ABI3BP: variants seen among roughly 807,000 people sequenced by gnomAD.
ABI3BP encodes the protein ABI family member 3 binding protein.
In ABI3BP, 216 loss-of-function variants were observed where a neutral mutation model predicts 268.6. That is an observed-to-expected ratio of 0.80 (90% CI 0.72 to 0.90). The LOEUF (loss-of-function observed/expected upper bound fraction) is 0.90, where lower values mean the gene tolerates loss of function less well. Ranked by LOEUF, ABI3BP falls within the 40% of genes least tolerant of loss-of-function variation. The pLI, the probability that ABI3BP is intolerant of heterozygous loss-of-function variation, is 0.00. For missense variants in ABI3BP, 2,090 were observed against 2,182.4 expected, an observed-to-expected ratio of 0.96 and a Z score of 0.84; for synonymous variants, 730 against 730.0, an observed-to-expected ratio of 1.00 and a Z score of 0.00.
At chr3:100,873,728 G>A (rs2099133043) in intron 9 of ABI3BP, among the ~76,000 whole-genome samples, 1 of 152,192 alleles carries the variant, frequency 6.6e-6, no homozygotes, top group Admixed American at 6.5e-5. Flanking sequence ...GACAGATAAG[G>A]CCCCCAGTAG....
rs2098685690 is a variant in ABI3BP, at chr3:100,840,839, G to C, written c.1785C>G (p.Thr595=). The C allele has an allele frequency of 1.3e-6, 2 of 1,535,192 alleles. No homozygotes were observed. The highest frequency in any genetic ancestry group is 1.7e-6 in the Non-Finnish European group (2 of 1,146,308). ...QSTIGPETPG[T]KPSTTLAPRK... ...TATTACCTAATGTTGTTGAAGGTTT[G>C]GTTCCTGGTGTTTCAGGTCCTAAGA... is the stretch of plus-strand genomic sequence containing the variant. The change falls in exon 22 of 68, where the codon ACC becomes ACG. Residue 595 remains threonine, a synonymous_variant. Coordinates refer to ENST00000471714, the MANE Select transcript of ABI3BP (RefSeq NM_001375547.2).
At chr3:100,835,048 G>A (rs192650322) in intron 28 of ABI3BP, among the ~76,000 whole-genome samples, 152 of 152,320 alleles carry the variant, frequency 1.0e-3, no homozygotes, top group Non-Finnish European at 2.5e-4. Flanking sequence ...CCAGACCCAA[G>A]GGAAGTCAGA....
At chr3:100,820,789 A>T (rs1227281152) in intron 39 of ABI3BP, among the ~76,000 whole-genome samples, 1 of 152,236 alleles carries the variant, frequency 6.6e-6, no homozygotes, top group Non-Finnish European at 1.5e-5. Flanking sequence ...AAAATTGGTT[A>T]AAAAACACAC....
intron 1 of ABI3BP, chr3:100,930,721 A>G (rs1159116371): frequency 1.3e-5 from 2 of 152,006 alleles, no homozygotes. Flanking sequence ...CCAACCTGAA[A>G]AGGCCCTGAG....
chr3:100,775,735 A>C (rs1346370145), intron 59 of ABI3BP, among the ~76,000 whole-genome samples: 4 of 152,190 alleles, frequency 2.6e-5, no homozygotes. Flanking sequence ...GAAACATGTC[A>C]GGGAAGCATG....
At chr3:100,890,271 G>T (rs1212424584) in intron 4 of ABI3BP, among the ~76,000 whole-genome samples, 2 of 152,042 alleles carry the variant, frequency 1.3e-5, no homozygotes, top group Non-Finnish European at 2.9e-5. Context: ...TCATGTCAAA[G>T]AACACATCCT....
Position 100,985,141 on chromosome 3 carries a change from C to CTTTTTTT in ABI3BP, c.79+8158_79+8164dup, listed in dbSNP as rs1172049956. Among the ~76,000 whole-genome samples the CTTTTTTT allele has an allele frequency of 9.9e-4, 79 of 79,856 alleles. 2 individuals carry two copies. The highest frequency in any genetic ancestry group is 3.8e-3 in the African/African-American group (76 of 19,916). 52.4% of individuals were successfully genotyped at this position (79,856 alleles called of 152,430 possible). ...ACTCCACTGAAGTTTCAGAAAAGCACTTTTTTTTTTTTTTTTTTTTTTTTT... is the reference window on the plus strand; with the variant it reads ...ACTCCACTGAAGTTTCAGAAAAGCACTTTTTTTTTTTTTTTTTTTTTTTTTTTTTTTT... On this transcript the variant is annotated intron_variant, in intron 1 of 67. Transcript: ENST00000471714.
chr3:100,943,018 C>T lies in ABI3BP; in HGVS notation c.80-16537G>A, dbSNP rs576410860. 2.6e-5 allele frequency among the ~76,000 whole-genome samples: 4 copies of T among 152,150 alleles called. No homozygotes were observed. The South Asian group carries it at 8.3e-4, about 32-fold the overall frequency. ...TTCTGTTAATTAGGGTTTCTGAGAA[C>T]TATTTCTGGAGACACATAAGGTAAA... On this transcript the variant is annotated intron_variant, in intron 1 of 67. Transcript: ENST00000471714.
chr3:100,782,956 A>G (rs770185683), intron 57 of ABI3BP, among the ~76,000 whole-genome samples: 2 of 152,102 alleles, frequency 1.3e-5, no homozygotes, highest in Non-Finnish European at 2.9e-5. Context: ...GAGCCTCAGA[A>G]TGAGCCCCCA....
At chr3:100,813,843 G>A in intron 44 of ABI3BP, 108 bp from the exon 45 acceptor site, 2 of 926,600 alleles carry the variant, frequency 2.2e-6, no homozygotes. Context: ...AAAATCATGA[G>A]GTTATGGAGA....
chr3:100,827,067 A>G (rs559260739), intron 34 of ABI3BP, among the ~76,000 whole-genome samples: 1 of 152,150 alleles, frequency 6.6e-6, no homozygotes, highest in East Asian at 1.9e-4. Flanking sequence ...TCAAGACCCA[A>G]ATTCTTTCCT....
At chr3:100,850,769 T>A in intron 15 of ABI3BP, 35 bp from the exon 16 acceptor site, 1 of 1,486,304 alleles carries the variant, frequency 6.7e-7, no homozygotes, top group Non-Finnish European at 9.4e-7. Context: ...GTAAAAGCAG[T>A]AGAAGGCCCC....
At chr3:100,846,307 A>G (rs368711756) in intron 20 of ABI3BP, 65 bp downstream of exon 20, 1 of 1,104,328 alleles carries the variant, frequency 9.1e-7, no homozygotes. Flanking sequence ...CTTGCTCCAA[A>G]TAATTGCAAA....
intron 57 of ABI3BP, among the ~76,000 whole-genome samples, chr3:100,786,817 A>G (rs922529139): frequency 6.6e-6 from 1 of 152,168 alleles, no homozygotes; most frequent in Non-Finnish European, 1.5e-5. Flanking sequence ...ATGAATTTAT[A>G]GTATTGGCCT....
chr3:100,764,855 A>G (rs1015853289), intron 63 of ABI3BP, among the ~76,000 whole-genome samples: 3 of 152,236 alleles, frequency 2.0e-5, no homozygotes, highest in Non-Finnish European at 2.9e-5. Context: ...GTCTTTTAAG[A>G]AAATTAGCAG....
At chr3:100,868,117 A>G (rs2099072639) in intron 9 of ABI3BP, among the ~76,000 whole-genome samples, 3 of 152,344 alleles carry the variant, frequency 2.0e-5, no homozygotes, top group Admixed American at 6.5e-5. Context: ...TACCCTGATC[A>G]TGCCACCTTG....
chr3:100,766,940 G>T (rs1363601255), intron 62 of ABI3BP, among the ~76,000 whole-genome samples: 1 of 152,144 alleles, frequency 6.6e-6, no homozygotes, highest in African/African-American at 2.4e-5. Context: ...GGTATGAGAT[G>T]GACATTGGAA....
At chr3:100,762,807 T>C (rs2096049481) in intron 63 of ABI3BP, among the ~76,000 whole-genome samples, 1 of 152,170 alleles carries the variant, frequency 6.6e-6, no homozygotes, top group Non-Finnish European at 1.5e-5. Context: ...CCATAAAGTT[T>C]CACATACTGA....
chr3:100,872,856 T>G (rs1266038522), intron 9 of ABI3BP, among the ~76,000 whole-genome samples: 1 of 152,272 alleles, frequency 6.6e-6, no homozygotes, highest in East Asian at 1.9e-4. Context: ...GACTATTTTC[T>G]GGGAAGTAAC....
Sources: allele counts gnomAD v4.1 joint callset (sites outside exome capture counted in the v4.1 genomes callset), GRCh38; gene constraint gnomAD v4.1.1; transcripts MANE v1.5; gene names NCBI Gene and HGNC (gene_info 2026-07-23, HGNC 2026-07-21).